The following RORA variants were observed in gnomAD, a reference collection of about 807,000 sequenced individuals.
RORA encodes the protein nuclear receptor ROR-alpha.
In RORA, 7 loss-of-function variants were observed where a neutral mutation model predicts 69.5. The observed-to-expected ratio is 0.10, with a 90% CI of 0.06 to 0.19. The LOEUF is 0.19. RORA is among the 10% of genes least tolerant of loss of function. RORA has a pLI of 1.00. For missense variants in RORA, 457 were observed against 663.0 expected (o/e 0.69, Z 3.41); for synonymous variants, 261 against 240.8 (o/e 1.08, Z -0.78).
intron 1 of RORA, among the ~76,000 whole-genome samples, chr15:60,970,451 G>A (rs1450330766): frequency 6.6e-6 from 1 of 152,198 alleles, no homozygotes; most frequent in Non-Finnish European, 1.5e-5. Flanking sequence ...GGCATTGTAT[G>A]AGGTCCTGGG....
intron 1 of RORA, among the ~76,000 whole-genome samples, chr15:60,903,186 G>C (rs1253527142): frequency 6.6e-6 from 1 of 152,138 alleles, no homozygotes; most frequent in Admixed American, 6.5e-5. Context: ...TGTTTTGGAA[G>C]GTTCCAGGAG....
At chr15:60,946,428 T>G (rs1472977529) in intron 1 of RORA, among the ~76,000 whole-genome samples, 1 of 152,218 alleles carries the variant, frequency 6.6e-6, no homozygotes, top group Non-Finnish European at 1.5e-5. Flanking sequence ...CCGCCACGCC[T>G]GACTGGTTTT....
chr15:60,996,446 G>T (rs1365755803), intron 1 of RORA, among the ~76,000 whole-genome samples: 1 of 152,164 alleles, frequency 6.6e-6, no homozygotes, highest in East Asian at 1.9e-4. Flanking sequence ...CACAAGATCT[G>T]TATACTTTGT....
At chr15:61,074,339 ATAAAGGAGTTATATAATT>A (rs1192552671) in intron 1 of RORA, among the ~76,000 whole-genome samples, 1 of 152,242 alleles carries the variant, frequency 6.6e-6, no homozygotes, top group African/African-American at 2.4e-5. Context: ...TAAGTCATCC[ATAAAGGAGTTATATAATT>A]TAAAAACATA....
chr15:60,711,767 T>C (rs2071147512), intron 1 of RORA, among the ~76,000 whole-genome samples: 1 of 152,182 alleles, frequency 6.6e-6, no homozygotes, highest in African/African-American at 2.4e-5. Flanking sequence ...TGATTTAACC[T>C]TTGATTGGAC....
intron 1 of RORA, among the ~76,000 whole-genome samples, chr15:60,752,761 G>C (rs1026254740): frequency 1.3e-5 from 2 of 152,048 alleles, no homozygotes; most frequent in African/African-American, 4.8e-5. Flanking sequence ...AATGAATAGC[G>C]CTGGTCCCAG....
At chr15:61,114,987 T>C (rs1340350952) in intron 1 of RORA, among the ~76,000 whole-genome samples, 1 of 152,232 alleles carries the variant, frequency 6.6e-6, no homozygotes, top group Non-Finnish European at 1.5e-5. Flanking sequence ...TTAAAAAATA[T>C]TTCTAAATCC....
At chr15:61,111,303 G>T (rs1316363340) in intron 1 of RORA, among the ~76,000 whole-genome samples, 2 of 152,188 alleles carry the variant, frequency 1.3e-5, no homozygotes, top group African/African-American at 4.8e-5. Context: ...GACAGATGCA[G>T]TGATTATTGG....
At chr15:60,907,065 C>G (rs1177873416) in intron 1 of RORA, among the ~76,000 whole-genome samples, 1 of 152,150 alleles carries the variant, frequency 6.6e-6, no homozygotes. Flanking sequence ...CTCTGAGGCT[C>G]GTTCTGACAC....
At chr15:61,059,992 GAAGAAGAAGAAGAA>G (rs2078156880) in intron 1 of RORA, among the ~76,000 whole-genome samples, 1 of 79,496 alleles carries the variant, frequency 1.3e-5, no homozygotes, top group Admixed American at 1.4e-4. Context: ...GGAAGAGGAA[GAAGAAGAAGAAGAA>G]GAAGAAGAAG....
intron 1 of RORA, among the ~76,000 whole-genome samples, chr15:61,181,787 G>C (rs1462748883): frequency 6.6e-6 from 1 of 151,920 alleles, no homozygotes; most frequent in African/African-American, 2.4e-5. Context: ...TCTAATATGG[G>C]AGAGATGTCT....
intron 2 of RORA, among the ~76,000 whole-genome samples, chr15:60,616,892 AT>A (rs2069259334): frequency 6.6e-6 from 1 of 152,230 alleles, no homozygotes; most frequent in Non-Finnish European, 1.5e-5. Flanking sequence ...GTCTACCTCT[AT>A]AAGTAACAGG....
rs71125904 is a variant in RORA, at chr15:61,128,204, CGTGT to C, written c.166+100845_166+100848del. Among the ~76,000 whole-genome samples the C allele has an allele frequency of 4.8e-4, 72 of 150,116 alleles. No individual in the cohort carries two copies. Among genetic ancestry groups the C allele is most frequent in the Middle Eastern group, 3.5e-3 (1 of 288 alleles). On this transcript the variant is annotated intron_variant, in intron 1 of 10. Coordinates refer to ENST00000335670, the MANE Select transcript of RORA (RefSeq NM_134261.3). The surrounding 1 kb of genome is among the most constrained non-coding windows in gnomAD (Gnocchi z 4.5). ...TAATTGCTGTGTGTGTGTATGCACA[CGTGT>C]GTGTGTGTGTGTGTGTCTGTGTGTG... is the stretch of plus-strand genomic sequence containing the variant.
At chr15:61,121,586 G>A (rs762723276) in intron 1 of RORA, among the ~76,000 whole-genome samples, 4 of 152,066 alleles carry the variant, frequency 2.6e-5, no homozygotes, top group African/African-American at 4.8e-5. Flanking sequence ...TCTGCACCAG[G>A]ATCTCAAATC....
chr15:60,957,028 T>C (rs991507255), intron 1 of RORA, among the ~76,000 whole-genome samples: 1 of 152,208 alleles, frequency 6.6e-6, no homozygotes, highest in African/African-American at 2.4e-5. Context: ...AGGTGAGAGC[T>C]GAAGGGAAGG....
At chr15:60,604,556 C>A (rs923288090) in intron 2 of RORA, among the ~76,000 whole-genome samples, 9 of 152,114 alleles carry the variant, frequency 5.9e-5, no homozygotes, top group African/African-American at 2.2e-4. Flanking sequence ...TTAGACTCTC[C>A]ACACTAGAGT....
intron 1 of RORA, among the ~76,000 whole-genome samples, chr15:60,733,365 G>T (rs1016297263): frequency 1.3e-5 from 2 of 152,176 alleles, no homozygotes; most frequent in African/African-American, 4.8e-5. Context: ...AGTATGACCA[G>T]TCTGTGTGGG....
chr15:60,617,969 C>A (rs2069301218), intron 2 of RORA, among the ~76,000 whole-genome samples: 1 of 152,138 alleles, frequency 6.6e-6, no homozygotes, highest in Non-Finnish European at 1.5e-5. Flanking sequence ...TCTTGGCAAG[C>A]CAAACTCTGG....
intron 1 of RORA, among the ~76,000 whole-genome samples, chr15:61,168,610 C>T (rs909684660): frequency 1.3e-5 from 2 of 152,032 alleles, no homozygotes; most frequent in Non-Finnish European, 2.9e-5. Flanking sequence ...AAACGTGTGT[C>T]TTAATGAGCG....
Sources: allele counts gnomAD v4.1 joint callset (sites outside exome capture counted in the v4.1 genomes callset), GRCh38; gene constraint gnomAD v4.1.1; non-coding constraint Gnocchi (gnomAD v3.1); transcripts MANE v1.5; gene names NCBI Gene and HGNC (gene_info 2026-07-23, HGNC 2026-07-21).